The following KIAA0825 variants were observed in gnomAD, a reference collection of about 807,000 sequenced individuals.
The protein encoded by KIAA0825 is KIAA0825.
KIAA0825 carries 119 observed loss-of-function variants against 147.6 expected under a neutral mutation model. That is an observed-to-expected ratio of 0.81 (90% confidence interval 0.69 to 0.94). KIAA0825 has a LOEUF of 0.94. KIAA0825 is among the 40% of genes least tolerant of loss of function. KIAA0825 has a pLI of 0.00. For synonymous variants in KIAA0825, 470 were observed against 518.1 expected (o/e 0.91, Z 1.26); for missense variants, 1,381 against 1,472.7 (o/e 0.94, Z 1.02).
intron 20 of KIAA0825, among the ~76,000 whole-genome samples, chr5:94,370,549 G>T (rs166235): frequency 0.11 from 16,795 of 152,062 alleles, 1,198 homozygotes; most frequent in East Asian, 0.18. Flanking sequence ...AAGAGAGATG[G>T]TAGTTTGAGT....
At chr5:94,386,505 T>C (rs1284838050) in intron 18 of KIAA0825, 101 bp from the exon 19 acceptor site, 23 of 937,678 alleles carry the variant, frequency 2.5e-5, no homozygotes, top group Non-Finnish European at 3.7e-5. Context: ...GCACATTTGC[T>C]AGATTACAGT....
chr5:94,593,395 G>C (rs1784693107), intron 1 of KIAA0825: 7 of 983,604 alleles, frequency 7.1e-6, no homozygotes, highest in Non-Finnish European at 1.6e-6. Context: ...ACATTTTCAA[G>C]AACAACTGGT....
At chr5:94,403,021 A>C (rs945926859) in intron 16 of KIAA0825, among the ~76,000 whole-genome samples, 8 of 152,096 alleles carry the variant, frequency 5.3e-5, no homozygotes, top group Non-Finnish European at 8.8e-5. Context: ...GCTGTTCTGA[A>C]TAGGAACAAT....
At chr5:94,224,468 CAG>C (rs1181967055) in intron 20 of KIAA0825, among the ~76,000 whole-genome samples, 1 of 152,018 alleles carries the variant, frequency 6.6e-6, no homozygotes, top group Non-Finnish European at 1.5e-5. Flanking sequence ...AAATTTCTAT[CAG>C]AGGAGAATAT....
chr5:94,472,923 T>C (rs1761403654), intron 8 of KIAA0825, among the ~76,000 whole-genome samples: 1 of 152,128 alleles, frequency 6.6e-6, no homozygotes, highest in Non-Finnish European at 1.5e-5. Flanking sequence ...TTAAGGTGAA[T>C]GAAGATTTTT....
intron 2 of KIAA0825, among the ~76,000 whole-genome samples, chr5:94,558,480 A>G (rs994980229): frequency 6.6e-6 from 1 of 152,198 alleles, no homozygotes; most frequent in African/African-American, 2.4e-5. Flanking sequence ...TCATTAGGTT[A>G]TGTGAGATAC....
At chr5:94,474,339 G>T (rs940520947) in intron 7 of KIAA0825, among the ~76,000 whole-genome samples, 2 of 152,130 alleles carry the variant, frequency 1.3e-5, no homozygotes. Flanking sequence ...TGGGTAGCAG[G>T]CTGAACCTAT....
intron 2 of KIAA0825, among the ~76,000 whole-genome samples, chr5:94,562,305 CAAT>C (rs766390747): frequency 2.0e-4 from 30 of 152,110 alleles, no homozygotes; most frequent in South Asian, 8.3e-4. Context: ...TAAAAACAAT[CAAT>C]AAAAGTAAAT....
At chr5:94,194,283 T>G (rs1288138856) in intron 20 of KIAA0825, among the ~76,000 whole-genome samples, 1 of 152,056 alleles carries the variant, frequency 6.6e-6, no homozygotes, top group Non-Finnish European at 1.5e-5. Flanking sequence ...TGACCACCCC[T>G]CTTGGTGGGT....
chr5:94,312,488 TTGTCTATTG>T (rs2150210119), intron 20 of KIAA0825, among the ~76,000 whole-genome samples: 1 of 151,798 alleles, frequency 6.6e-6, no homozygotes, highest in African/African-American at 2.4e-5. Flanking sequence ...GGAGCCATTG[TTGTCTATTG>T]TGTCAATATT....
intron 5 of KIAA0825, among the ~76,000 whole-genome samples, chr5:94,507,595 T>C (rs757547729): frequency 9.9e-5 from 15 of 151,456 alleles, no homozygotes; most frequent in Admixed American, 2.0e-4. Flanking sequence ...GACAAAAGAA[T>C]GCAAATCTTG....
intron 14 of KIAA0825, among the ~76,000 whole-genome samples, chr5:94,418,471 C>G (rs1753759411): frequency 6.6e-6 from 1 of 151,652 alleles, no homozygotes. Flanking sequence ...CCAACCCTCC[C>G]CCACCCCTGC....
chr5:94,563,965 G>A (rs1202380343), intron 2 of KIAA0825, among the ~76,000 whole-genome samples: 2 of 151,934 alleles, frequency 1.3e-5, no homozygotes, highest in African/African-American at 2.4e-5. Flanking sequence ...GATTACAGGC[G>A]TGAGCCATAG....
At position 94,582,481 on chromosome 5, in the gene KIAA0825, A is replaced by G. The variant is rs909275030; in HGVS notation, c.-50T>C. 6.6e-6 allele frequency: 1 copy of G among 152,224 alleles called. No homozygotes were observed. The highest frequency in any genetic ancestry group is 6.5e-5 in the Admixed American group (1 of 15,280). The allele number at this position is 152,224 out of a possible 1,614,324, so 9.4% of individuals were successfully genotyped here. On this transcript the variant is annotated 5_prime_UTR_variant, in exon 2 of 21. Transcript: ENST00000682413. ...AAGAATGAACTGGTCTTCGAATCCT[A>G]AGGAGGTAGAAAATTATTTCCTGAA...
At chr5:94,176,163 C>T (rs750031570) in intron 20 of KIAA0825, among the ~76,000 whole-genome samples, 1 of 152,178 alleles carries the variant, frequency 6.6e-6, no homozygotes, top group Non-Finnish European at 1.5e-5. Context: ...GATTAATGCT[C>T]TCTTGCAAGG....
At chr5:94,552,463 T>C (rs1775726035) in intron 2 of KIAA0825, among the ~76,000 whole-genome samples, 1 of 152,144 alleles carries the variant, frequency 6.6e-6, no homozygotes, top group African/African-American at 2.4e-5. Context: ...TACACATTCT[T>C]TTCATCAGCA....
intron 20 of KIAA0825, among the ~76,000 whole-genome samples, chr5:94,210,025 A>G (rs1206799371): frequency 6.6e-6 from 1 of 152,186 alleles, no homozygotes; most frequent in East Asian, 1.9e-4. Flanking sequence ...ATCAATAGAA[A>G]ATAAATTATT....
At chr5:94,215,846 C>T (rs977009048) in intron 20 of KIAA0825, among the ~76,000 whole-genome samples, 1 of 152,068 alleles carries the variant, frequency 6.6e-6, no homozygotes, top group Admixed American at 6.6e-5. Context: ...CATCTCATAA[C>T]CTTGCATCTC....
intron 15 of KIAA0825, among the ~76,000 whole-genome samples, chr5:94,405,341 G>T (rs1264221591): frequency 1.3e-5 from 2 of 152,124 alleles, no homozygotes; most frequent in African/African-American, 4.8e-5. Context: ...CTACTGTTAA[G>T]AAAGATGTTA....
Sources: gnomAD v4.1 joint callset for allele counts (sites outside exome capture counted in the v4.1 genomes callset) on GRCh38, gnomAD v4.1.1 for gene constraint, MANE v1.5 for transcripts, NCBI Gene and HGNC (gene_info 2026-07-23, HGNC 2026-07-21) for gene names.